YTHDC2: variants seen among roughly 807,000 people sequenced by gnomAD.
YTHDC2 encodes YTH N6-methyladenosine RNA binding protein C2.
In YTHDC2, 45 loss-of-function variants were observed where a neutral mutation model predicts 174.9. The ratio of observed to expected loss-of-function variants is 0.26; its 90% CI spans 0.20 to 0.33. The LOEUF (loss-of-function observed/expected upper bound fraction) is 0.33, where lower values mean the gene tolerates loss of function less well. YTHDC2 is among the 10% of genes least tolerant of loss of function. The pLI is 1.00. For missense variants in YTHDC2, 1,650 were observed against 1,723.7 expected, an observed-to-expected ratio of 0.96 and a Z score of 0.76; for synonymous variants, 657 against 574.5, an observed-to-expected ratio of 1.14 and a Z score of -2.05.
intron 12 of YTHDC2, among the ~76,000 whole-genome samples, chr5:113,552,710 A>T (rs1043576028): frequency 6.6e-6 from 1 of 152,082 alleles, no homozygotes; most frequent in East Asian, 1.9e-4. Context: ...TGGTAACTCT[A>T]TGTTTAACCT....
intron 26 of YTHDC2, among the ~76,000 whole-genome samples, chr5:113,585,899 A>T (rs936348635): frequency 1.9e-4 from 29 of 151,824 alleles, no homozygotes; most frequent in Non-Finnish European, 3.5e-4. Context: ...CAGTTGATGG[A>T]CATTTGGGTT....
rs762256508 is a variant in YTHDC2, at chr5:113,592,089, C to G, written c.4123C>G (p.Arg1375Gly). 1.2e-6 allele frequency: 2 copies of G among 1,612,562 alleles called. No individual in the cohort carries two copies. The highest frequency in any genetic ancestry group is 8.5e-7 in the Non-Finnish European group (1 of 1,179,364). The part of the protein sequence containing the change: ...LGGVFKVEWI[R>G]KESLPFQFAH... Reference sequence around the variant, plus strand: ...AGGAGTATTTAAGGTGGAGTGGATACGAAAAGAAAGCCTTCCCTTTCAATT... The same window carrying G: ...AGGAGTATTTAAGGTGGAGTGGATAGGAAAAGAAAGCCTTCCCTTTCAATT... The change falls in exon 28 of 30, where the codon CGA becomes GGA. Residue 1375 changes from arginine to glycine, a missense_variant. Transcript: ENST00000161863.
chr5:113,548,446 G>T (rs1022326213), intron 10 of YTHDC2, 95 bp from the exon 11 acceptor site: 4 of 1,260,400 alleles, frequency 3.2e-6, no homozygotes, highest in Non-Finnish European at 4.3e-6. Flanking sequence ...TAATTATCCT[G>T]AAACTCAGTT....
chr5:113,594,750 A>T lies in YTHDC2; in HGVS notation c.*1276A>T, dbSNP rs184365857. On this transcript the variant is annotated 3_prime_UTR_variant, in exon 30 of 30. Coordinates refer to ENST00000161863, the MANE Select transcript of YTHDC2 (RefSeq NM_022828.5). The stretch of plus-strand genomic sequence containing the variant: ...TGATACATTTTAGTTATTCTTATAA[A>T]AGCAAACAGGCAAACATGAGTGTAA... The T allele has an allele frequency of 6.6e-6, 1 of 152,302 alleles. No homozygotes were observed. Among genetic ancestry groups the T allele is most frequent in the East Asian group, 1.9e-4 (1 of 5,186 alleles). 9.4% of individuals were successfully genotyped at this position (152,302 alleles called of 1,614,324 possible). A position where few individuals can be genotyped will look rare whatever the true frequency, so the allele number is the denominator to read the frequency against.
At chr5:113,586,865 C>CTATA (rs1485979557) in intron 26 of YTHDC2, among the ~76,000 whole-genome samples, 2 of 139,360 alleles carry the variant, frequency 1.4e-5, no homozygotes, top group Non-Finnish European at 3.1e-5. Flanking sequence ...CTCTCTCTCT[C>CTATA]TCTCTCTCTA....
chr5:113,593,505 C>T lies in YTHDC2; in HGVS notation c.*31C>T. 1 of 804,222 alleles carries T rather than the reference C, an allele frequency of 1.2e-6. No homozygotes were observed. Among genetic ancestry groups the T allele is most frequent in the Admixed American group, 2.6e-5 (1 of 37,824 alleles). 49.8% of individuals were successfully genotyped at this position (804,222 alleles called of 1,614,324 possible). The stretch of plus-strand genomic sequence containing the variant: ...AGAACTCTTAGCTGTGGAAGAACAT[C>T]ATGCCTATTTATAACCACTGAATGC... On this transcript the variant is annotated 3_prime_UTR_variant, in exon 30 of 30. Coordinates refer to ENST00000161863, the MANE Select transcript of YTHDC2 (RefSeq NM_022828.5).
intron 3 of YTHDC2, among the ~76,000 whole-genome samples, chr5:113,525,917 AACATATTTTGAGC>A (rs1774194722): frequency 6.6e-6 from 1 of 152,126 alleles, no homozygotes; most frequent in Non-Finnish European, 1.5e-5. Flanking sequence ...TAGGCACACA[AACATATTTTGAGC>A]TACATGAATA....
chr5:113,566,638 G>A (rs1427765404), intron 21 of YTHDC2, among the ~76,000 whole-genome samples: 3 of 151,928 alleles, frequency 2.0e-5, no homozygotes, highest in African/African-American at 4.8e-5. Flanking sequence ...TTGAACATAA[G>A]GAAATATGAA....
chr5:113,594,707 G>C lies in YTHDC2; in HGVS notation c.*1233G>C, dbSNP rs1414032021. Reference sequence around the variant, plus strand: ...TGGTTACTGAGCTCTAAATAGACAGGTTTGATGGCACTTCTCATGATACAT... The same window carrying C: ...TGGTTACTGAGCTCTAAATAGACAGCTTTGATGGCACTTCTCATGATACAT... On this transcript the variant is annotated 3_prime_UTR_variant, in exon 30 of 30. Coordinates refer to ENST00000161863, the MANE Select transcript of YTHDC2 (RefSeq NM_022828.5). 2.0e-5 allele frequency: 3 copies of C among 152,082 alleles called. No individual in the cohort carries two copies. The highest frequency in any genetic ancestry group is 7.2e-5 in the African/African-American group (3 of 41,408). 9.4% of individuals were successfully genotyped at this position (152,082 alleles called of 1,614,324 possible).
intron 24 of YTHDC2, among the ~76,000 whole-genome samples, chr5:113,580,552 C>T (rs1164261900): frequency 6.6e-6 from 1 of 152,154 alleles, no homozygotes; most frequent in East Asian, 1.9e-4. Flanking sequence ...ATAGTTAACA[C>T]TGGCTAGGTT....
At chr5:113,523,508 T>C (rs1438111198) in intron 2 of YTHDC2, among the ~76,000 whole-genome samples, 3 of 152,090 alleles carry the variant, frequency 2.0e-5, no homozygotes, top group Non-Finnish European at 4.4e-5. Flanking sequence ...GAACCTATTA[T>C]AGAGAACATT....
intron 10 of YTHDC2, among the ~76,000 whole-genome samples, chr5:113,545,710 GA>G (rs1029641265): frequency 3.6e-5 from 5 of 137,038 alleles, no homozygotes; most frequent in African/African-American, 1.3e-4. Context: ...TTGATTTTTT[GA>G]AAAATAATTG....
At chr5:113,572,880 A>T (rs1777821526) in intron 23 of YTHDC2, among the ~76,000 whole-genome samples, 1 of 152,186 alleles carries the variant, frequency 6.6e-6, no homozygotes, top group African/African-American at 2.4e-5. Context: ...TTTTGAAGAC[A>T]GCATACTCGT....
chr5:113,564,761 A>G (rs561805482), intron 20 of YTHDC2, among the ~76,000 whole-genome samples: 105 of 152,344 alleles, frequency 6.9e-4, no homozygotes, highest in Non-Finnish European at 1.3e-3. Flanking sequence ...TCTTGAAAAC[A>G]TAGGCATTGT....
intron 5 of YTHDC2, among the ~76,000 whole-genome samples, chr5:113,533,936 A>G (rs1774871601): frequency 6.6e-6 from 1 of 152,196 alleles, no homozygotes; most frequent in South Asian, 2.1e-4. Context: ...TGGATAAGGA[A>G]TACTCAGTAT....
chr5:113,542,002 G>A (rs1383466088), intron 9 of YTHDC2, among the ~76,000 whole-genome samples: 1 of 152,130 alleles, frequency 6.6e-6, no homozygotes, highest in African/African-American at 2.4e-5. Flanking sequence ...CACTTGCTCT[G>A]GGGTGGGACC....
At chr5:113,530,240 A>C (rs992228464) in intron 4 of YTHDC2, among the ~76,000 whole-genome samples, 7 of 152,140 alleles carry the variant, frequency 4.6e-5, no homozygotes, top group Non-Finnish European at 1.0e-4. Context: ...TTTATTTAAA[A>C]ATCTGTCCTT....
intron 9 of YTHDC2, among the ~76,000 whole-genome samples, chr5:113,542,127 C>G (rs545148737): frequency 6.6e-5 from 10 of 152,224 alleles, no homozygotes; most frequent in Admixed American, 3.9e-4. Context: ...CAATTAACAT[C>G]GTGACTAGAT....
intron 7 of YTHDC2, among the ~76,000 whole-genome samples, chr5:113,536,705 T>C (rs1277862158): frequency 1.3e-5 from 2 of 152,202 alleles, no homozygotes; most frequent in Non-Finnish European, 2.9e-5. Context: ...CACAAATGTA[T>C]GCAAATATAT....
Sources: allele counts gnomAD v4.1 joint callset (sites outside exome capture counted in the v4.1 genomes callset), GRCh38; gene constraint gnomAD v4.1.1; transcripts MANE v1.5; gene names NCBI Gene and HGNC (gene_info 2026-07-23, HGNC 2026-07-21).